GOLGA8A: variants seen among roughly 807,000 people sequenced by gnomAD.
GOLGA8A encodes golgin A8 family member A.
A neutral mutation model predicts 22.1 loss-of-function variants in GOLGA8A; 3 were observed. The ratio of observed to expected loss-of-function variants is 0.14; its 90% confidence interval spans 0.06 to 0.35. The LOEUF (loss-of-function observed/expected upper bound fraction) is 0.35. Ranked by LOEUF, GOLGA8A falls within the 10% of genes least tolerant of loss-of-function variation. The pLI is 1.00. For missense variants in GOLGA8A, 16 were observed against 233.2 expected, an observed-to-expected ratio of 0.07 and a Z score of 6.07; for synonymous variants, 7 against 91.7, an observed-to-expected ratio of 0.08 and a Z score of 5.28.
In GOLGA8A at chr15:34,437,760, G is replaced by A. The variant is rs1893618246; in HGVS notation, c.-1574C>T. Among the ~76,000 whole-genome samples the A allele has an allele frequency of 6.8e-6, 1 of 147,888 alleles. No individual in the cohort carries two copies. The highest frequency in any genetic ancestry group is 2.0e-4 in the East Asian group (1 of 5,000). ...CGGGGGCTGAGCTCCCGCAGAGCTC[G>A]CGCCTAGCCGCACACCTCGACTGCT... On this transcript the variant is annotated 5_prime_UTR_variant, in exon 1 of 25. Coordinates refer to ENST00000359187, the MANE Select transcript of GOLGA8A (RefSeq NM_181077.5).
chr15:34,431,665 G>A (rs1404804070), intron 2 of GOLGA8A, among the ~76,000 whole-genome samples: 1 of 148,490 alleles, frequency 6.7e-6, no homozygotes, highest in Non-Finnish European at 1.5e-5. Context: ...CCTGTCTAGG[G>A]CACTTTCCAT....
chr15:34,415,909 CAGG>C (rs1892554449), intron 2 of GOLGA8A: 1 of 115,580 alleles, frequency 8.7e-6, no homozygotes, highest in Non-Finnish European at 1.8e-5. Flanking sequence ...TCTTCACCCA[CAGG>C]TCTGCTGCCT....
In GOLGA8A at chr15:34,379,296, A is replaced by G. The variant is rs943657671; in HGVS notation, c.*2115T>C. 1 of 152,570 alleles carries G rather than the reference A, an allele frequency of 6.6e-6. No homozygotes were observed. The highest frequency in any genetic ancestry group is 2.4e-5 in the African/African-American group (1 of 41,412). The allele number at this position is 152,570 out of a possible 1,614,324, so 9.5% of individuals were successfully genotyped here. On this transcript the variant is annotated 3_prime_UTR_variant, in exon 25 of 25. Transcript: ENST00000359187. ...CCATTTCTTCCTTTTAAACTACAGG[A>G]TTTATATTTTAAAATGTTTTATTTC...
intron 2 of GOLGA8A, among the ~76,000 whole-genome samples, chr15:34,426,772 A>G (rs1292989114): frequency 1.4e-5 from 2 of 144,038 alleles, no homozygotes; most frequent in Non-Finnish European, 3.1e-5. Context: ...AGCCAGGTAC[A>G]GTGGCATGTA....
chr15:34,420,853 G>C (rs1892769043), intron 2 of GOLGA8A, among the ~76,000 whole-genome samples: 1 of 128,848 alleles, frequency 7.8e-6, no homozygotes, highest in African/African-American at 2.9e-5. Context: ...TCTCTGATGG[G>C]ACACAAGCTC....
intron 2 of GOLGA8A, among the ~76,000 whole-genome samples, chr15:34,431,877 A>C (rs1462955676): frequency 6.7e-6 from 1 of 149,186 alleles, no homozygotes. Context: ...TTTGAGCCCC[A>C]TGATATTCTT....
intron 1 of GOLGA8A, among the ~76,000 whole-genome samples, chr15:34,436,253 T>C (rs1251667392): frequency 2.0e-5 from 3 of 149,374 alleles, no homozygotes; most frequent in Non-Finnish European, 4.5e-5. Flanking sequence ...TCTCAGGTCA[T>C]TACTTCTAAA....
At chr15:34,435,123 A>G (rs148295003) in intron 2 of GOLGA8A, among the ~76,000 whole-genome samples, 2 of 149,368 alleles carry the variant, frequency 1.3e-5, no homozygotes, top group Admixed American at 6.7e-5. Flanking sequence ...GCAGGTATGC[A>G]TGGCAGAGGA....
At chr15:34,428,062 T>C (rs1254194400) in intron 2 of GOLGA8A, among the ~76,000 whole-genome samples, 1 of 147,572 alleles carries the variant, frequency 6.8e-6, no homozygotes, top group Non-Finnish European at 1.5e-5. Context: ...AACCCCCACA[T>C]CAAATGGAGC....
rs761455686 is a variant in GOLGA8A, at chr15:34,381,655, C to T, written c.1610-42G>A. ...GCGGGGATCTGAGTGGAGTGCTAGC[C>T]GCCCCCCGCTCCTGCCTGCTCACCC... On this transcript the variant is annotated intron_variant, in intron 24 of 24. Coordinates refer to ENST00000359187, the MANE Select transcript of GOLGA8A (RefSeq NM_181077.5). 42 of 1,342,094 alleles carry T rather than the reference C, an allele frequency of 3.1e-5. 2 individuals carry two copies. Among genetic ancestry groups the T allele is most frequent in the East Asian group, 1.9e-4 (7 of 36,280 alleles). The allele number at this position is 1,342,094 out of a possible 1,614,324, so 83.1% of individuals were successfully genotyped here.
chr15:34,431,616 C>A (rs75083343), intron 2 of GOLGA8A, among the ~76,000 whole-genome samples: 11,656 of 146,928 alleles, frequency 0.079, 1,296 homozygotes, highest in East Asian at 0.16. Flanking sequence ...AGAAAAGGCA[C>A]AACGTTAAAA....
chr15:34,430,798 C>T (rs1893193753), intron 2 of GOLGA8A, among the ~76,000 whole-genome samples: 1 of 149,784 alleles, frequency 6.7e-6, no homozygotes, highest in Admixed American at 6.7e-5. Flanking sequence ...CTCCACGTGC[C>T]CTTCTCGGGA....
At chr15:34,423,117 GCTCCCTCTCCT>G (rs1405286493) in intron 2 of GOLGA8A, among the ~76,000 whole-genome samples, 5 of 125,984 alleles carry the variant, frequency 4.0e-5, no homozygotes, top group African/African-American at 1.4e-4. Flanking sequence ...CTCCCGGTAG[GCTCCCTCTCCT>G]CTCCCTCTCC....
chr15:34,436,497 G>A lies in GOLGA8A; in HGVS notation c.-1212+901C>T, dbSNP rs890495854. Reference sequence around the variant, plus strand: ...TATCTGAAGAGATCTGAAAAAGTAAGCCTTTCTTCTGCCAGTAAATACTAA... The same window carrying A: ...TATCTGAAGAGATCTGAAAAAGTAAACCTTTCTTCTGCCAGTAAATACTAA... On this transcript the variant is annotated intron_variant, in intron 1 of 24. Transcript: ENST00000359187. 9.3e-5 allele frequency among the ~76,000 whole-genome samples: 14 copies of A among 149,752 alleles called. 1 individual carries two copies. Among genetic ancestry groups the A allele is most frequent in the African/African-American group, 3.4e-4 (14 of 40,634 alleles).
rs1893601176 is a variant in GOLGA8A, at chr15:34,437,502, TCCTCG to T, written c.-1321_-1317del. Reference sequence around the variant, plus strand: ...CGCCGCCGTCCTCGCCGCGCCGCCGTCCTCGCCGCGCCGCCGTCCTCGCCGCGCCG... The same window carrying T: ...CGCCGCCGTCCTCGCCGCGCCGCCGTCCGCGCCGCCGTCCTCGCCGCGCCG... On this transcript the variant is annotated 5_prime_UTR_variant, in exon 1 of 25. Transcript: ENST00000359187. The T allele has an allele frequency of 3.0e-5, 1 of 33,876 alleles. No homozygotes were observed. Among genetic ancestry groups the T allele is most frequent in the African/African-American group, 1.6e-4 (1 of 6,222 alleles). The allele number at this position is 33,876 out of a possible 1,614,324, so 2.1% of individuals were successfully genotyped here.
rs1893228874 is a variant in GOLGA8A, at chr15:34,431,312, CATATATATATATATATATA to C, written c.-1123+4052_-1123+4070del. The stretch of plus-strand genomic sequence containing the variant: ...AAAATTATATATATATATATATATA[CATATATATATATATATATA>C]TATATATATATATATCTCACACACA... On this transcript the variant is annotated intron_variant, in intron 2 of 24. Coordinates refer to ENST00000359187, the MANE Select transcript of GOLGA8A (RefSeq NM_181077.5). 1.5e-4 allele frequency among the ~76,000 whole-genome samples: 7 copies of C among 45,730 alleles called. 1 individual carries two copies. The highest frequency in any genetic ancestry group is 4.4e-4 in the Admixed American group (2 of 4,570). The allele number at this position is 45,730 out of a possible 152,430, so 30.0% of individuals were successfully genotyped here.
chr15:34,437,675 T>C lies in GOLGA8A; in HGVS notation c.-1489A>G, dbSNP rs1049653607. Among the ~76,000 whole-genome samples the C allele has an allele frequency of 7.7e-5, 9 of 116,588 alleles. 1 individual carries two copies. The highest frequency in any genetic ancestry group is 2.5e-4 in the African/African-American group (8 of 31,586). 76.5% of individuals were successfully genotyped at this position (116,588 alleles called of 152,430 possible). On this transcript the variant is annotated 5_prime_UTR_variant, in exon 1 of 25. Transcript: ENST00000359187. ...CGCCGTCCTCGCCGCGCCGCCGTCC[T>C]CGCCGCGCCGCCGTCCTCGCCGCGC... is the stretch of plus-strand genomic sequence containing the variant.
At chr15:34,423,357 T>TAG (rs1458147407) in intron 2 of GOLGA8A, among the ~76,000 whole-genome samples, 1 of 130,200 alleles carries the variant, frequency 7.7e-6, no homozygotes, top group African/African-American at 2.9e-5. Context: ...CAAAAGGCAC[T>TAG]AGGTTGGCTG....
At chr15:34,431,605 T>C (rs115748183) in intron 2 of GOLGA8A, among the ~76,000 whole-genome samples, 1,589 of 146,718 alleles carry the variant, frequency 0.011, 129 homozygotes, top group African/African-American at 0.038. Context: ...TATCTAAACA[T>C]AGAAAAGGCA....
Sources: gnomAD v4.1 joint callset for allele counts (sites outside exome capture counted in the v4.1 genomes callset) on GRCh38, gnomAD v4.1.1 for gene constraint, MANE v1.5 for transcripts, NCBI Gene and HGNC (gene_info 2026-07-23, HGNC 2026-07-21) for gene names.